CYFIP1: variants seen among roughly 807,000 people sequenced by gnomAD.
CYFIP1 encodes cytoplasmic FMR1 interacting protein 1, also known as cytoplasmic FMR1-interacting protein 1.
A neutral mutation model predicts 163.5 loss-of-function variants in CYFIP1; 58 were observed. The ratio of observed to expected loss-of-function variants is 0.35; its 90% CI spans 0.29 to 0.44. The LOEUF (loss-of-function observed/expected upper bound fraction) is 0.44, where lower values mean the gene tolerates loss of function less well. CYFIP1 is among the 20% of genes least tolerant of loss of function. The probability of loss-of-function intolerance (pLI) is 1.00; values close to 1 mark genes in which losing one functional copy is unlikely to be tolerated. For synonymous variants in CYFIP1, 663 were observed against 660.7 expected (o/e 1.00, Z -0.05); for missense variants, 1,338 against 1,653.8 (o/e 0.81, Z 3.31).
At chr15:22,892,694 T>A (rs576811289) in intron 23 of CYFIP1, among the ~76,000 whole-genome samples, 196 bp downstream of exon 23, 25 of 152,346 alleles carry the variant, frequency 1.6e-4, no homozygotes, top group African/African-American at 4.1e-4. Flanking sequence ...TAAGCACTGT[T>A]TTGGGTTGGT....
chr15:22,883,148 C>A lies in CYFIP1; in HGVS notation c.2677-137G>T. 16 of 960,206 alleles carry A rather than the reference C, an allele frequency of 1.7e-5. No individual in the cohort carries two copies. The South Asian group carries it at 3.1e-4, about 18-fold the overall frequency. 59.5% of individuals were successfully genotyped at this position (960,206 alleles called of 1,614,324 possible). A position where few individuals can be genotyped will look rare whatever the true frequency, so the allele number is the denominator to read the frequency against. On this transcript the variant is annotated intron_variant, in intron 23 of 30. Coordinates refer to ENST00000617928, the MANE Select transcript of CYFIP1 (RefSeq NM_014608.6). ...CTACTGACTTGTAAAATCTACTGCC[C>A]TTAACTGGTACAGTTACAAAACCTA...
intron 23 of CYFIP1, among the ~76,000 whole-genome samples, chr15:22,892,540 A>T (rs1046692484): frequency 6.6e-5 from 10 of 152,050 alleles, no homozygotes; most frequent in Admixed American, 5.2e-4. Flanking sequence ...AGCCTCTTCC[A>T]CTTGTCTTCT....
intron 10 of CYFIP1, among the ~76,000 whole-genome samples, chr15:22,932,612 G>T (rs2061574002): frequency 6.6e-6 from 1 of 152,172 alleles, no homozygotes; most frequent in Non-Finnish European, 1.5e-5. Context: ...TGGCTGAATG[G>T]TGACTGCAGG....
intron 26 of CYFIP1, among the ~76,000 whole-genome samples, chr15:22,878,674 T>A (rs1168631631): frequency 4.4e-4 from 54 of 121,708 alleles, no homozygotes; most frequent in African/African-American, 1.3e-3. Context: ...GATGGTAGAT[T>A]AAAAAAAAAA....
Position 22,890,875 on chromosome 15 carries a change from G to T in CYFIP1, c.2676+2015C>A, listed in dbSNP as rs72622090. ...CACCTGCCAACAGCCTCGAGAACGC[G>T]GAGTGTGGAATGATGGAATGAGCCT... On this transcript the variant is annotated intron_variant, in intron 23 of 30. Transcript: ENST00000617928. Among the ~76,000 whole-genome samples the T allele has an allele frequency of 2.7e-5, 4 of 149,138 alleles. No individual in the cohort carries two copies. The South Asian group carries it at 8.6e-4, about 32-fold the overall frequency.
intron 13 of CYFIP1, among the ~76,000 whole-genome samples, chr15:22,925,203 G>A (rs1677318058): frequency 1.3e-5 from 2 of 152,164 alleles, no homozygotes; most frequent in South Asian, 4.1e-4. Flanking sequence ...AATCCTCACT[G>A]TGGGATGGGA....
At chr15:22,961,168 C>A (rs1394497373) in intron 1 of CYFIP1, among the ~76,000 whole-genome samples, 1 of 151,432 alleles carries the variant, frequency 6.6e-6, no homozygotes, top group Non-Finnish European at 1.5e-5. Flanking sequence ...ATTACAGGGG[C>A]TCGCCACCAT....
intron 30 of CYFIP1, among the ~76,000 whole-genome samples, chr15:22,870,937 G>A (rs1011931857): frequency 1.6e-4 from 24 of 152,164 alleles, no homozygotes; most frequent in African/African-American, 5.3e-4. Flanking sequence ...CAAACAAAAC[G>A]CTTTGAAAAG....
intron 16 of CYFIP1, 95 bp downstream of exon 16, chr15:22,916,381 CG>C (rs886316325): frequency 1.1e-5 from 10 of 913,122 alleles, no homozygotes; most frequent in Middle Eastern, 2.3e-4. Context: ...CACCAAGGGA[CG>C]GGGTAGGGGG....
In CYFIP1 at chr15:22,937,138, C is replaced by A; in HGVS notation, c.866G>T (p.Arg289Ile). ...CTTGTCGATTTTGGATAAGTTTATT[C>A]TTTTCTTGGCATCCAACTTATAGAT... is the stretch of plus-strand genomic sequence containing the variant. ...SNIYKLDAKK[R>I]INLSKIDKYF... The change falls in exon 9 of 31, where the codon AGA (arginine) becomes ATA (isoleucine). Residue 289 changes from arginine (R) to isoleucine (I), a missense_variant. Physicochemically the swap from Arg to Ile is moderately conservative, Grantham distance 97. Around this residue, in one of 4 missense-constraint regions of CYFIP1, gnomAD observed 824 missense variants for 995.7 expected, o/e 0.83. Transcript: ENST00000617928. The A allele has an allele frequency of 6.2e-7, 1 of 1,612,888 alleles. No individual in the cohort carries two copies. The highest frequency in any genetic ancestry group is 8.5e-7 in the Non-Finnish European group (1 of 1,178,858).
intron 11 of CYFIP1, among the ~76,000 whole-genome samples, chr15:22,931,202 C>T (rs2061525526): frequency 6.6e-6 from 1 of 152,198 alleles, no homozygotes; most frequent in African/African-American, 2.4e-5. Flanking sequence ...CCTTGAGGGA[C>T]TAACCAGTTC....
intron 1 of CYFIP1, among the ~76,000 whole-genome samples, chr15:22,974,876 T>TA (rs1416330989): frequency 2.6e-5 from 4 of 152,056 alleles, no homozygotes; most frequent in Non-Finnish European, 5.9e-5. Context: ...CAGTAAAAGT[T>TA]ACACGGTGTA....
intron 22 of CYFIP1, among the ~76,000 whole-genome samples, chr15:22,895,016 ATTTTTT>A (rs748636744): frequency 7.3e-6 from 1 of 137,680 alleles, no homozygotes; most frequent in Non-Finnish European, 1.6e-5. Context: ...TGCCTGGCTA[ATTTTTT>A]TTTTTTTTTT....
intron 15 of CYFIP1, chr15:22,916,883 A>C: frequency 6.4e-7 from 1 of 1,551,856 alleles, no homozygotes; most frequent in South Asian, 1.2e-5. Flanking sequence ...ATGTCTTACC[A>C]CCAAAGGTTA....
chr15:22,954,746 A>T (rs1045915586), intron 1 of CYFIP1, among the ~76,000 whole-genome samples: 1 of 152,214 alleles, frequency 6.6e-6, no homozygotes, highest in South Asian at 2.1e-4. Flanking sequence ...AATGAATTTA[A>T]ATATGGTAGG....
At chr15:22,975,714 G>A (rs1255158790) in intron 1 of CYFIP1, among the ~76,000 whole-genome samples, 4 of 152,142 alleles carry the variant, frequency 2.6e-5, no homozygotes, top group Non-Finnish European at 4.4e-5. Context: ...TGCCAAGATC[G>A]TGCCATTGCA....
At chr15:22,956,270 G>T (rs887110032) in intron 1 of CYFIP1, among the ~76,000 whole-genome samples, 2 of 152,096 alleles carry the variant, frequency 1.3e-5, no homozygotes, top group African/African-American at 4.8e-5. Context: ...AGGGCAGGTG[G>T]CTGGGAAGAA....
rs573674762 is a variant in CYFIP1, at chr15:22,869,822, A to G, written c.*206T>C. ...ACGTGATGGCAACAATCAGCAGCCA[A>G]TATTCTCAAGAGTTCCTAATTACCA... On this transcript the variant is annotated 3_prime_UTR_variant, in exon 31 of 31. Coordinates refer to ENST00000617928, the MANE Select transcript of CYFIP1 (RefSeq NM_014608.6). 4 of 424,904 alleles carry G rather than the reference A, an allele frequency of 9.4e-6. No homozygotes were observed. The highest frequency in any genetic ancestry group is 6.2e-5 in the African/African-American group (3 of 48,664). The allele number at this position is 424,904 out of a possible 1,614,324, so 26.3% of individuals were successfully genotyped here. A position where few individuals can be genotyped will look rare whatever the true frequency, so the allele number is the denominator to read the frequency against.
chr15:22,980,755 A>G (rs1567063381), upstream of CYFIP1, among the ~76,000 whole-genome samples: 1 of 151,934 alleles, frequency 6.6e-6, no homozygotes, highest in Non-Finnish European at 1.5e-5. Flanking sequence ...GACACCCAGG[A>G]CGCCCGTGTG....
Sources: allele counts gnomAD v4.1 joint callset (sites outside exome capture counted in the v4.1 genomes callset), GRCh38; gene constraint gnomAD v4.1.1; regional missense constraint gnomAD v4.1.1; transcripts MANE v1.5; gene names NCBI Gene and HGNC (gene_info 2026-07-23, HGNC 2026-07-21).